Variants in NUP98 observed in about 807,000 individuals in gnomAD.
The protein encoded by NUP98 is nucleoporin 98 and 96 precursor.
In NUP98, 26 loss-of-function variants were observed where a neutral mutation model predicts 191.9. The observed-to-expected ratio is 0.14, with a 90% CI of 0.10 to 0.19. The LOEUF (loss-of-function observed/expected upper bound fraction) is 0.19. NUP98 is among the 10% of genes least tolerant of loss of function. The probability of loss-of-function intolerance (pLI) is 1.00; values close to 1 mark genes in which losing one functional copy is unlikely to be tolerated. For missense variants in NUP98, 1,941 were observed against 2,178.8 expected (o/e 0.89, Z 2.17); for synonymous variants, 808 against 778.4 (o/e 1.04, Z -0.63).
intron 2 of NUP98, chr11:3,781,525 A>G (rs1332490156): frequency 6.7e-6 from 1 of 148,876 alleles, no homozygotes; most frequent in Non-Finnish European, 1.5e-5. Flanking sequence ...AAACCCCTCC[A>G]CAAAAATTTT....
intron 29 of NUP98, 103 bp from the exon 30 acceptor site, chr11:3,683,544 TC>T (rs1368208395): frequency 9.0e-6 from 10 of 1,105,952 alleles, no homozygotes; most frequent in African/African-American, 6.3e-5. Flanking sequence ...AAACTGCAGG[TC>T]TTTTTTTTTT....
intron 11 of NUP98, among the ~76,000 whole-genome samples, chr11:3,748,173 G>A (rs1267391074): frequency 1.3e-5 from 2 of 152,128 alleles, no homozygotes; most frequent in South Asian, 2.1e-4. Flanking sequence ...AGAGACAAAA[G>A]CATCAGAAAA....
intron 15 of NUP98, among the ~76,000 whole-genome samples, chr11:3,724,487 A>G (rs1213665907): frequency 6.6e-6 from 1 of 151,454 alleles, no homozygotes; most frequent in African/African-American, 2.4e-5. Flanking sequence ...ATATATACCT[A>G]ACTATTAAGA....
At chr11:3,769,862 TA>T (rs1330529279) in intron 7 of NUP98, among the ~76,000 whole-genome samples, 3 of 151,488 alleles carry the variant, frequency 2.0e-5, no homozygotes, top group Non-Finnish European at 4.4e-5. Flanking sequence ...GCCAAGACGG[TA>T]AAACCCCATC....
chr11:3,712,708 A>G lies in NUP98; in HGVS notation c.2598T>C (p.Tyr866=), dbSNP rs776359309. 1 of 1,612,936 alleles carries G rather than the reference A, an allele frequency of 6.2e-7. No individual in the cohort carries two copies. The highest frequency in any genetic ancestry group is 8.5e-7 in the Non-Finnish European group (1 of 1,179,968). ...CCTCTTCATCAGAATCCTGAAGGCC[A>G]TACTTAGAAAAATGGGAGACCTAAG... ...WVFKVSHFSK[Y]GLQDSDEEEE... Residue 866 remains tyrosine (Y), a synonymous_variant, in exon 20 of 33, where the codon TAT becomes TAC. Transcript: ENST00000324932.
chr11:3,756,637 A>AG (rs71041390), intron 10 of NUP98, among the ~76,000 whole-genome samples: 151,978 of 151,998 alleles, frequency 1, 75,979 homozygotes, highest in Middle Eastern at 1. Flanking sequence ...TGGCCAGTCT[A>AG]TCTCGAACTC....
intron 23 of NUP98, among the ~76,000 whole-genome samples, chr11:3,701,418 C>T (rs950158148): frequency 6.6e-6 from 1 of 151,908 alleles, no homozygotes; most frequent in Non-Finnish European, 1.5e-5. Flanking sequence ...TGCACCACCA[C>T]CCTGGGCTAA....
intron 6 of NUP98, among the ~76,000 whole-genome samples, chr11:3,772,683 C>T (rs905986695): frequency 4.6e-5 from 7 of 151,914 alleles, no homozygotes; most frequent in East Asian, 1.9e-4. Flanking sequence ...GGCATAGTGG[C>T]GTGCAGCTGC....
intron 2 of NUP98, 57 bp from the exon 3 acceptor site, chr11:3,779,314 A>C: frequency 7.6e-7 from 1 of 1,319,970 alleles, no homozygotes; most frequent in Non-Finnish European, 1.1e-6. Context: ...ACGTAAGATG[A>C]CCAAATGAAA....
intron 14 of NUP98, among the ~76,000 whole-genome samples, chr11:3,728,277 G>A (rs1393403065): frequency 1.3e-5 from 2 of 152,160 alleles, no homozygotes; most frequent in East Asian, 3.8e-4. Flanking sequence ...TCCTACCTTT[G>A]AGGACTTTAT....
chr11:3,723,294 G>T lies in NUP98; in HGVS notation c.2009C>A (p.Thr670Asn). Residue 670 changes from threonine (T) to asparagine (N), a missense_variant, in exon 16 of 33, where the codon ACC becomes AAC. Coordinates refer to ENST00000324932, the MANE Select transcript of NUP98 (RefSeq NM_016320.5). ...KHSNSNSVDD[T>N]IVALNMRAAL... ...AGCACGCATGTTTAATGCAACAATGGTATCATCCACACTGTTGCTGTTGCT... is the reference window on the plus strand; with the variant it reads ...AGCACGCATGTTTAATGCAACAATGTTATCATCCACACTGTTGCTGTTGCT... The T allele has an allele frequency of 6.2e-7, 1 of 1,614,088 alleles. No individual in the cohort carries two copies. The highest frequency in any genetic ancestry group is 8.5e-7 in the Non-Finnish European group (1 of 1,180,010).
intron 27 of NUP98, among the ~76,000 whole-genome samples, chr11:3,692,677 T>C (rs2078356202): frequency 6.6e-6 from 1 of 152,190 alleles, no homozygotes; most frequent in African/African-American, 2.4e-5. Flanking sequence ...ATTTCATCTG[T>C]CTTCAATGGA....
At chr11:3,779,085 C>T (rs766138321) in intron 3 of NUP98, 36 bp from the exon 4 acceptor site, 1 of 1,613,664 alleles carries the variant, frequency 6.2e-7, no homozygotes, top group Non-Finnish European at 8.5e-7. Flanking sequence ...AAGTTAAGTA[C>T]ATCAGAGCCA....
At position 3,770,545 on chromosome 11, in the gene NUP98, ATT is replaced by A. The variant is rs1052096833; in HGVS notation, c.784+1201_784+1202del. On this transcript the variant is annotated intron_variant, in intron 7 of 32. Coordinates refer to ENST00000324932, the MANE Select transcript of NUP98 (RefSeq NM_016320.5). ...TTAAATATAACTTAGATAAATACGTATTTGTGTGTGTGTGTGTGTGTGTGTGT... is the reference window on the plus strand; with the variant it reads ...TTAAATATAACTTAGATAAATACGTATGTGTGTGTGTGTGTGTGTGTGTGT... Among the ~76,000 whole-genome samples the A allele has an allele frequency of 2.4e-3, 334 of 137,512 alleles. 3 individuals are homozygous for A. The highest frequency in any genetic ancestry group is 8.3e-3 in the African/African-American group (314 of 37,758). The allele number at this position is 137,512 out of a possible 152,430, so 90.2% of individuals were successfully genotyped here.
intron 1 of NUP98, among the ~76,000 whole-genome samples, chr11:3,789,462 C>G (rs1002743296): frequency 6.6e-6 from 1 of 150,738 alleles, no homozygotes. Context: ...TTATTCCCAA[C>G]TATCCATCTT....
chr11:3,693,206 T>C, intron 27 of NUP98, 26 bp downstream of exon 27: 1 of 1,611,424 alleles, frequency 6.2e-7, no homozygotes, highest in Non-Finnish European at 8.5e-7. Flanking sequence ...GCAAGATTTT[T>C]GCTTGGCTCT....
intron 11 of NUP98, among the ~76,000 whole-genome samples, chr11:3,750,816 T>A (rs118140085): frequency 0.012 from 1,792 of 151,908 alleles, 11 homozygotes; most frequent in Admixed American, 0.02. Context: ...TTTATTTTAT[T>A]TTTTTGATAG....
In NUP98 at chr11:3,686,106, G is replaced by A; in HGVS notation, c.4543C>T (p.Leu1515=). Reference sequence around the variant, plus strand: ...AGATGGGTGTAGTTAAGAGCCCTCAGCACTTCCCACAAGTGCCAGCTTAGG... The same window carrying A: ...AGATGGGTGTAGTTAAGAGCCCTCAACACTTCCCACAAGTGCCAGCTTAGG... ...YRLSWHLWEV[L]RALNYTHLSA... is the part of the protein sequence containing the mutation. Residue 1515 remains leucine (L), a synonymous_variant, in exon 29 of 33, where the codon CTG becomes TTG. Transcript: ENST00000324932. 1.2e-6 allele frequency: 2 copies of A among 1,614,224 alleles called. No individual in the cohort carries two copies. The highest frequency in any genetic ancestry group is 1.7e-6 in the Non-Finnish European group (2 of 1,180,050).
chr11:3,722,107 T>A (rs1477236539), intron 16 of NUP98, among the ~76,000 whole-genome samples: 2 of 123,886 alleles, frequency 1.6e-5, no homozygotes, highest in Non-Finnish European at 3.6e-5. Flanking sequence ...CTGGAATTCT[T>A]TTTTTTTTTT....
Sources: allele counts gnomAD v4.1 joint callset (sites outside exome capture counted in the v4.1 genomes callset), GRCh38; gene constraint gnomAD v4.1.1; transcripts MANE v1.5; gene names NCBI Gene and HGNC (gene_info 2026-07-23, HGNC 2026-07-21).